Variants in PLEKHH2 observed in about 807,000 individuals in gnomAD.
The protein encoded by PLEKHH2 is pleckstrin homology domain-containing family H member 2.
In PLEKHH2, 129 loss-of-function variants were observed where a neutral mutation model predicts 187.9. That is an observed-to-expected ratio of 0.69 (90% CI 0.59 to 0.79). PLEKHH2 has a LOEUF of 0.79. Ranked by LOEUF, PLEKHH2 falls within the 30% of genes least tolerant of loss-of-function variation. PLEKHH2 has a pLI of 0.00. For missense variants in PLEKHH2, 2,076 were observed against 1,751.2 expected (o/e 1.19, Z -3.31); for synonymous variants, 686 against 605.6 (o/e 1.13, Z -1.95).
At chr2:43,709,262 A>C (rs1459931048) in intron 11 of PLEKHH2, among the ~76,000 whole-genome samples, 3 of 152,204 alleles carry the variant, frequency 2.0e-5, no homozygotes, top group Non-Finnish European at 4.4e-5. Flanking sequence ...ATGGAACTTG[A>C]ATGAAAAAAT....
intron 16 of PLEKHH2, among the ~76,000 whole-genome samples, chr2:43,722,531 C>G (rs897386413): frequency 6.6e-6 from 1 of 152,162 alleles, no homozygotes; most frequent in Non-Finnish European, 1.5e-5. Context: ...TCTACCCTCT[C>G]CTTCTAAACT....
rs2104624747 is a variant in PLEKHH2 at position 43,758,887 on chromosome 2, T to G, written c.3942-13T>G. On this transcript the variant is annotated splice_polypyrimidine_tract_variant and intron_variant, in intron 26 of 29. Transcript: ENST00000282406. ...TTTAGTGTTTTTGTTTTTGTTCTTTTCTTTTTTTTTAGGCAGCTTTGCCAG... is the reference window on the plus strand; with the variant it reads ...TTTAGTGTTTTTGTTTTTGTTCTTTGCTTTTTTTTTAGGCAGCTTTGCCAG... 1 of 1,570,562 alleles carries G rather than the reference T, an allele frequency of 6.4e-7. No homozygotes were observed. The highest frequency in any genetic ancestry group is 1.7e-4 in the Middle Eastern group (1 of 5,852).
At chr2:43,667,426 TCTA>T (rs1667270760) in intron 2 of PLEKHH2, among the ~76,000 whole-genome samples, 1 of 152,308 alleles carries the variant, frequency 6.6e-6, no homozygotes, top group East Asian at 1.9e-4. Context: ...ACCCAGAAGT[TCTA>T]CTCCTAAATA....
intron 2 of PLEKHH2, among the ~76,000 whole-genome samples, chr2:43,670,807 C>T (rs2104400887): frequency 6.6e-6 from 1 of 152,176 alleles, no homozygotes; most frequent in Non-Finnish European, 1.5e-5. Context: ...CATAGTTTAA[C>T]TCTCCATTTA....
At chr2:43,675,792 T>C (rs781759292) in intron 2 of PLEKHH2, 1 of 1,613,830 alleles carries the variant, frequency 6.2e-7, no homozygotes, top group South Asian at 1.1e-5. Context: ...CAGTCACGTA[T>C]TCGAGGTCTC....
In PLEKHH2 at chr2:43,694,515, G is replaced by A. The variant is rs1204721975; in HGVS notation, c.420+1G>A. The A allele has an allele frequency of 6.5e-7, 1 of 1,545,598 alleles. No individual in the cohort carries two copies. Among genetic ancestry groups the A allele is most frequent in the Non-Finnish European group, 8.8e-7 (1 of 1,138,994 alleles). ...ATGGGTAACAGTTAAGTTAAATGAG[G>A]TATTTATTGCTATATGTTTTCCTTT... On this transcript the variant is annotated splice_donor_variant, in intron 5 of 29. Coordinates refer to ENST00000282406, the MANE Select transcript of PLEKHH2 (RefSeq NM_172069.4). LOFTEE classifies it high-confidence loss of function.
chr2:43,692,048 AC>A (rs533345008), intron 3 of PLEKHH2, among the ~76,000 whole-genome samples: 1 of 151,398 alleles, frequency 6.6e-6, no homozygotes, highest in Admixed American at 6.6e-5. Context: ...TTGTTTTCCC[AC>A]CCCCCTTTCC....
At chr2:43,675,938 CAA>C (rs778699650) in intron 2 of PLEKHH2, 49 of 1,614,006 alleles carry the variant, frequency 3.0e-5, no homozygotes, top group Non-Finnish European at 4.2e-5. Context: ...CCATACTTTT[CAA>C]AGACGTATTT....
chr2:43,669,342 G>GT (rs1171467152), intron 2 of PLEKHH2, among the ~76,000 whole-genome samples: 8 of 152,148 alleles, frequency 5.3e-5, no homozygotes, highest in Non-Finnish European at 8.8e-5. Flanking sequence ...TGGGTACAGG[G>GT]TTTTTTTAGG....
chr2:43,716,143 G>A (rs1670198654), intron 15 of PLEKHH2, among the ~76,000 whole-genome samples: 1 of 152,100 alleles, frequency 6.6e-6, no homozygotes, highest in Admixed American at 6.5e-5. Flanking sequence ...GGAACCTGGA[G>A]TCAGGAGAGG....
chr2:43,746,050 C>A (rs1671766879), intron 24 of PLEKHH2, 87 bp downstream of exon 24: 4 of 714,412 alleles, frequency 5.6e-6, no homozygotes, highest in South Asian at 4.1e-5. Flanking sequence ...TATTGAATGC[C>A]TTAAAAGTTA....
intron 25 of PLEKHH2, among the ~76,000 whole-genome samples, chr2:43,754,380 T>A (rs377131556): frequency 1.3e-5 from 2 of 151,052 alleles, no homozygotes; most frequent in South Asian, 2.1e-4. Flanking sequence ...TGCCAGCTAA[T>A]GTCAGTGTTC....
Position 43,711,150 on chromosome 2 carries a change from T to C in PLEKHH2, c.2301+575T>C, listed in dbSNP as rs1669945150. The C allele has an allele frequency of 6.1e-6, 6 of 985,604 alleles. No individual in the cohort carries two copies. The South Asian group carries it at 2.8e-4, about 46-fold the overall frequency. 61.1% of individuals were successfully genotyped at this position (985,604 alleles called of 1,614,324 possible). On this transcript the variant is annotated intron_variant, in intron 14 of 29. Coordinates refer to ENST00000282406, the MANE Select transcript of PLEKHH2 (RefSeq NM_172069.4). Reference sequence around the variant, plus strand: ...ATTTAAAACACAGGCTGTTGAGATATTCTAGTATATGTAATTTAAAGTCAG... The same window carrying C: ...ATTTAAAACACAGGCTGTTGAGATACTCTAGTATATGTAATTTAAAGTCAG...
intron 3 of PLEKHH2, among the ~76,000 whole-genome samples, chr2:43,683,710 T>C (rs1336128093): frequency 6.6e-6 from 1 of 152,110 alleles, no homozygotes; most frequent in East Asian, 1.9e-4. Flanking sequence ...TCTTTCTCTT[T>C]TTTCAAGACT....
chr2:43,641,207 TG>T (rs1665897361), intron 1 of PLEKHH2, among the ~76,000 whole-genome samples: 1 of 152,152 alleles, frequency 6.6e-6, no homozygotes. Context: ...TTTCCCATTC[TG>T]TGGGTTATCT....
intron 4 of PLEKHH2, among the ~76,000 whole-genome samples, chr2:43,694,216 G>A (rs1308799062): frequency 6.6e-6 from 1 of 152,184 alleles, no homozygotes; most frequent in Non-Finnish European, 1.5e-5. Flanking sequence ...GAGAATAGCG[G>A]TTGTTAAAAC....
At chr2:43,654,421 T>C (rs1458963753) in intron 2 of PLEKHH2, among the ~76,000 whole-genome samples, 2 of 151,994 alleles carry the variant, frequency 1.3e-5, no homozygotes, top group Non-Finnish European at 2.9e-5. Flanking sequence ...GGTCTCGATC[T>C]CTTGACCTTG....
At chr2:43,677,137 C>T (rs929642675) in intron 2 of PLEKHH2, among the ~76,000 whole-genome samples, 1 of 151,712 alleles carries the variant, frequency 6.6e-6, no homozygotes, top group East Asian at 1.9e-4. Context: ...CTTTAATGTG[C>T]TAACTGTATT....
chr2:43,648,155 T>A (rs972820957), intron 2 of PLEKHH2, among the ~76,000 whole-genome samples: 2 of 152,134 alleles, frequency 1.3e-5, no homozygotes, highest in African/African-American at 4.8e-5. Flanking sequence ...AACTCGTTAT[T>A]ATTTTCCTGT....
Sources: gnomAD v4.1 joint callset for allele counts (sites outside exome capture counted in the v4.1 genomes callset) on GRCh38, gnomAD v4.1.1 for gene constraint, MANE v1.5 for transcripts, NCBI Gene and HGNC (gene_info 2026-07-23, HGNC 2026-07-21) for gene names.